IFT122: variants seen among roughly 807,000 people sequenced by gnomAD.
IFT122 encodes the protein intraflagellar transport 122.
A neutral mutation model predicts 161.6 loss-of-function variants in IFT122; 118 were observed. That is an observed-to-expected ratio of 0.73 (90% CI 0.63 to 0.85). The LOEUF is 0.85. IFT122 is among the 40% of genes least tolerant of loss of function. The pLI is 0.00. For synonymous variants in IFT122, 550 were observed against 602.4 expected (o/e 0.91, Z 1.27); for missense variants, 1,381 against 1,579.6 (o/e 0.87, Z 2.13).
At chr3:129,449,435 G>A (rs2074469409) in intron 1 of IFT122, among the ~76,000 whole-genome samples, 1 of 152,162 alleles carries the variant, frequency 6.6e-6, no homozygotes, top group Non-Finnish European at 1.5e-5. Context: ...CCTTCTCACT[G>A]GATAGTAATT....
intron 24 of IFT122, chr3:129,512,699 G>GTGAC: frequency 4.2e-6 from 2 of 481,082 alleles, no homozygotes; most frequent in African/African-American, 1.9e-5. Flanking sequence ...AGATGAGGGT[G>GTGAC]TGACTGAAAT....
chr3:129,473,890 A>G (rs2077625914), intron 9 of IFT122, among the ~76,000 whole-genome samples: 1 of 151,860 alleles, frequency 6.6e-6, no homozygotes, highest in Admixed American at 6.6e-5. Context: ...TCGCCCTGAA[A>G]TGGTTGTTGT....
chr3:129,482,972 G>A (rs2108345741), intron 14 of IFT122, among the ~76,000 whole-genome samples: 1 of 152,256 alleles, frequency 6.6e-6, no homozygotes, highest in East Asian at 1.9e-4. Context: ...AAGTGTGGAA[G>A]GGCGTCTGTG....
intron 26 of IFT122, among the ~76,000 whole-genome samples, chr3:129,516,313 CTGCCCCTGCACACACACAG>C (rs2083586489): frequency 1.6e-5 from 2 of 125,614 alleles, no homozygotes; most frequent in South Asian, 3.0e-4. Context: ...CACACAGAGA[CTGCCCCTGCACACACACAG>C]AGACTGCCCC....
chr3:129,440,251 A>C lies in IFT122; in HGVS notation c.-80A>C. On this transcript the variant is annotated 5_prime_UTR_variant, in exon 1 of 30. Transcript: ENST00000348417. ...CGCAGGTAGCCAAAGTGGCTTGTGG[A>C]GTGGCGACCGTTAGTGAGGCGGTTG... 6.6e-7 allele frequency: 1 copy of C among 1,525,020 alleles called. No individual in the cohort carries two copies. The highest frequency in any genetic ancestry group is 1.2e-5 in the South Asian group (1 of 83,540). 94.5% of individuals were successfully genotyped at this position (1,525,020 alleles called of 1,614,324 possible).
chr3:129,461,160 T>G, intron 4 of IFT122, 68 bp from the exon 5 acceptor site: 1 of 1,287,070 alleles, frequency 7.8e-7, no homozygotes, highest in Non-Finnish European at 1.1e-6. Context: ...ATTATTAAAA[T>G]CTTCAGTTGT....
At chr3:129,462,570 T>A (rs1437674209) in intron 5 of IFT122, among the ~76,000 whole-genome samples, 1 of 152,238 alleles carries the variant, frequency 6.6e-6, no homozygotes, top group East Asian at 1.9e-4. Flanking sequence ...AAGGAGTTTC[T>A]TCCAGCTTGG....
intron 1 of IFT122, among the ~76,000 whole-genome samples, chr3:129,444,198 C>T (rs151338787): frequency 6.6e-6 from 1 of 152,194 alleles, no homozygotes; most frequent in Non-Finnish European, 1.5e-5. Flanking sequence ...CCACGTCCCC[C>T]CTACTTTTTA....
At chr3:129,494,433 G>C (rs1432027185) in intron 17 of IFT122, among the ~76,000 whole-genome samples, 1 of 152,100 alleles carries the variant, frequency 6.6e-6, no homozygotes, top group African/African-American at 2.4e-5. Flanking sequence ...GCTGTGTGCA[G>C]GTTTTTAGAA....
chr3:129,516,577 ACAGAGAGACTGCCCCTG>A (rs2083724203), intron 26 of IFT122, among the ~76,000 whole-genome samples: 1 of 124,366 alleles, frequency 8.0e-6, no homozygotes, highest in African/African-American at 3.1e-5. Context: ...ACACACACAC[ACAGAGAGACTGCCCCTG>A]CACACACACA....
Position 129,440,386 on chromosome 3 carries a change from G to C in IFT122, c.41+15G>C. On this transcript the variant is annotated intron_variant, in intron 1 of 29. Transcript: ENST00000348417. ...GCCGAGCACTGGTGAGGAGCGGGGC[G>C]GTTCGCGAAGAGCAGGAGGTCGAGT... 1.3e-6 allele frequency: 2 copies of C among 1,550,396 alleles called. No homozygotes were observed. The highest frequency in any genetic ancestry group is 1.7e-6 in the Non-Finnish European group (2 of 1,146,782).
At chr3:129,452,794 C>A (rs1488055959) in intron 3 of IFT122, among the ~76,000 whole-genome samples, 1 of 152,110 alleles carries the variant, frequency 6.6e-6, no homozygotes, top group Non-Finnish European at 1.5e-5. Context: ...TGGAAACAAC[C>A]TGCAAGAGGT....
At chr3:129,456,375 A>C (rs961576521) in intron 3 of IFT122, 27 of 865,966 alleles carry the variant, frequency 3.1e-5, no homozygotes, top group Non-Finnish European at 4.0e-5. Context: ...GTGGTGGCTC[A>C]TGCTTGTGAT....
At position 129,478,029 on chromosome 3, in the gene IFT122, C is replaced by T; in HGVS notation, c.1161C>T (p.Cys387=). ...TTTCTTTGACAGTTCGGATTAAATG[C>T]AAAGAGCTTGTCAAGAAGATTGCCA... The part of the protein sequence containing the change: ...LITEQKVRIK[C]KELVKKIAIY... The change falls in exon 12 of 30, where the codon TGC becomes TGT. Residue 387 remains cysteine (C), a synonymous_variant. Transcript: ENST00000348417. 6.2e-7 allele frequency: 1 copy of T among 1,613,996 alleles called. No homozygotes were observed. The highest frequency in any genetic ancestry group is 1.3e-5 in the African/African-American group (1 of 75,020).
At position 129,499,766 on chromosome 3, in the gene IFT122, C is replaced by T. The variant is rs989196161; in HGVS notation, c.2209-136C>T. The T allele has an allele frequency of 3.2e-5, 32 of 1,005,464 alleles. No homozygotes were observed. In the African/African-American group the frequency reaches 4.1e-4, roughly 13 times the overall value. The allele number at this position is 1,005,464 out of a possible 1,614,324, so 62.3% of individuals were successfully genotyped here. ...CTGGGACTCCCCCAACTCAGCCCCT[C>T]AGGGCCGGGCCCTGCCTACCTCCTG... On this transcript the variant is annotated intron_variant, in intron 18 of 29. Transcript: ENST00000348417.
intron 7 of IFT122, among the ~76,000 whole-genome samples, chr3:129,465,606 G>A (rs1345553748): frequency 6.6e-6 from 1 of 150,544 alleles, no homozygotes; most frequent in Non-Finnish European, 1.5e-5. Context: ...GAGTAGCTGG[G>A]ATTACAGGTG....
chr3:129,510,105 A>G (rs1171729094), intron 23 of IFT122, among the ~76,000 whole-genome samples: 1 of 152,176 alleles, frequency 6.6e-6, no homozygotes, highest in Non-Finnish European at 1.5e-5. Context: ...CTGTCGCCCA[A>G]GGTGGAGTGC....
At chr3:129,500,434 G>A (rs966400321) in intron 19 of IFT122, among the ~76,000 whole-genome samples, 2 of 152,216 alleles carry the variant, frequency 1.3e-5, no homozygotes, top group Non-Finnish European at 2.9e-5. Flanking sequence ...AGAAGCTAAA[G>A]GGACAAGTTA....
Position 129,519,561 on chromosome 3 carries a change from C to T in IFT122, c.3472-7C>T. ...GACACTGTGCCTCCTTCCCGCCCAC[C>T]CTGCAGCAAGGTGGCTCAGAGTTCG... On this transcript the variant is annotated splice_polypyrimidine_tract_variant and splice_region_variant and intron_variant, in intron 28 of 29. Coordinates refer to ENST00000348417, the MANE Select transcript of IFT122 (RefSeq NM_052989.3). 1.2e-6 allele frequency: 2 copies of T among 1,613,128 alleles called. No individual in the cohort carries two copies. Among genetic ancestry groups the T allele is most frequent in the African/African-American group, 1.3e-5 (1 of 75,040 alleles).
Sources: allele counts gnomAD v4.1 joint callset (sites outside exome capture counted in the v4.1 genomes callset), GRCh38; gene constraint gnomAD v4.1.1; transcripts MANE v1.5; gene names NCBI Gene and HGNC (gene_info 2026-07-23, HGNC 2026-07-21).